The following CBR4 variants were observed in gnomAD, a reference collection of about 807,000 sequenced individuals.
CBR4 encodes the protein carbonyl reductase 4.
A neutral mutation model predicts 21.0 loss-of-function variants in CBR4; 22 were observed. That is an observed-to-expected ratio of 1.05 (90% CI 0.75 to 1.50). The LOEUF is 1.50. Ranked by LOEUF, CBR4 falls within the 40% of genes most tolerant of loss-of-function variation. CBR4 has a pLI of 0.00. For missense variants in CBR4, 302 were observed against 286.3 expected (o/e 1.05, Z -0.40); for synonymous variants, 100 against 104.4 (o/e 0.96, Z 0.26).
chr4:168,963,557 G>A (rs947972999), intron 2 of CBR4, among the ~76,000 whole-genome samples: 16 of 149,088 alleles, frequency 1.1e-4, no homozygotes, highest in Admixed American at 5.4e-4. Context: ...TGCAACCTTC[G>A]CCTACTGGGT....
intron 2 of CBR4, among the ~76,000 whole-genome samples, chr4:168,963,791 G>A (rs769380313): frequency 9.2e-5 from 14 of 152,056 alleles, no homozygotes; most frequent in Non-Finnish European, 1.8e-4. Context: ...AATAGCTACT[G>A]TACCATCAGC....
Position 168,962,432 on chromosome 4 carries a change from T to C in CBR4, n.169+39639A>G, listed in dbSNP as rs191541469. ...CTCAAGGTTGCTTGGAAATTAGGCT[T>C]AATAAGATATGATTAATGAGTAAAT... On this transcript the variant is annotated intron_variant and non_coding_transcript_variant, in intron 2 of 3. Transcript: ENST00000509108. Among the ~76,000 whole-genome samples the C allele has an allele frequency of 2.1e-3, 316 of 152,296 alleles. 4 individuals are homozygous for C. Among genetic ancestry groups the C allele is most frequent in the Admixed American group, 3.1e-3 (48 of 15,296 alleles).
chr4:168,966,938 C>T (rs1316096734), intron 2 of CBR4, among the ~76,000 whole-genome samples: 1 of 151,814 alleles, frequency 6.6e-6, no homozygotes, highest in Non-Finnish European at 1.5e-5. Context: ...GAATGGCAAC[C>T]CGGGAGGCCG....
intron 2 of CBR4, among the ~76,000 whole-genome samples, chr4:168,924,779 C>G (rs1008388497): frequency 2.0e-5 from 3 of 152,214 alleles, no homozygotes; most frequent in Non-Finnish European, 2.9e-5. Context: ...TCTGTTCTTT[C>G]TCCCATTAAC....
intron 4 of CBR4, among the ~76,000 whole-genome samples, chr4:168,993,297 G>A (rs572667963): frequency 6.7e-6 from 1 of 148,846 alleles, no homozygotes; most frequent in African/African-American, 2.5e-5. Context: ...CGCAACCTCC[G>A]CCTCCTGGGT....
intron 2 of CBR4, among the ~76,000 whole-genome samples, chr4:168,980,059 C>A (rs576423829): frequency 6.6e-6 from 1 of 152,190 alleles, no homozygotes; most frequent in Admixed American, 6.5e-5. Flanking sequence ...CTATGTATAT[C>A]CCTGGGGTGC....
chr4:168,980,336 G>T lies in CBR4; in HGVS notation n.169+21735C>A, dbSNP rs530190489. ...AAATACAAAGGAGCCACAGGGCTGA[G>T]CAAGAGCCTACCTACTGGCCAGTAT... On this transcript the variant is annotated intron_variant and non_coding_transcript_variant, in intron 2 of 3. Transcript: ENST00000509108. Among the ~76,000 whole-genome samples the T allele has an allele frequency of 3.3e-5, 5 of 152,296 alleles. No individual in the cohort carries two copies. In the South Asian group the frequency reaches 1.0e-3, roughly 32 times the overall value.
intron 2 of CBR4, chr4:168,924,556 G>T: frequency 2.2e-6 from 2 of 928,280 alleles, no homozygotes; most frequent in Non-Finnish European, 3.5e-6. Context: ...ATCAATCAAA[G>T]ACAAAAACCA....
At chr4:168,915,795 C>T in intron 2 of CBR4, 2 of 896,456 alleles carry the variant, frequency 2.2e-6, no homozygotes, top group Non-Finnish European at 3.6e-6. Context: ...ATAAGGAAAT[C>T]ATATTATTAC....
chr4:168,924,413 C>T, intron 2 of CBR4: 1 of 1,613,136 alleles, frequency 6.2e-7, no homozygotes, highest in Non-Finnish European at 8.5e-7. Context: ...CAGCACTGAC[C>T]GAGTGAGGTA....
chr4:168,991,353 T>A (rs1462798021), intron 4 of CBR4, among the ~76,000 whole-genome samples: 1 of 152,160 alleles, frequency 6.6e-6, no homozygotes, highest in Admixed American at 6.5e-5. Context: ...ATACATTAAT[T>A]TTCACTTAGG....
intron 2 of CBR4, among the ~76,000 whole-genome samples, chr4:168,981,459 C>T (rs1284909277): frequency 6.6e-6 from 1 of 151,904 alleles, no homozygotes; most frequent in African/African-American, 2.4e-5. Context: ...GACCTGAAAA[C>T]CTGCCTATAA....
chr4:168,924,558 C>A lies in CBR4; in HGVS notation n.170-29793G>T, dbSNP rs1344375999. Reference sequence around the variant, plus strand: ...GATTTTTGATGAAATCAATCAAAGACAAAAACCATGCGTTACCCAATGTAG... The same window carrying A: ...GATTTTTGATGAAATCAATCAAAGAAAAAAACCATGCGTTACCCAATGTAG... On this transcript the variant is annotated intron_variant and non_coding_transcript_variant, in intron 2 of 3. Transcript: ENST00000509108. 4 of 907,508 alleles carry A rather than the reference C, an allele frequency of 4.4e-6. No individual in the cohort carries two copies. In the African/African-American group the frequency reaches 5.0e-5, roughly 11 times the overall value. The allele number at this position is 907,508 out of a possible 1,614,324, so 56.2% of individuals were successfully genotyped here. A position where few individuals can be genotyped will look rare whatever the true frequency, so the allele number is the denominator to read the frequency against.
intron 1 of CBR4, chr4:169,009,059 C>CAAAAAAAAAAAAAAAAAAAACAAAAAA: frequency 2.8e-6 from 1 of 359,598 alleles, no homozygotes; most frequent in Non-Finnish European, 5.2e-6. Context: ...GAAGCCCTCT[C>CAAAAAAAAAAAAAAAAAAAACAAAAAA]AAAAAAAAAA....
chr4:168,987,354 A>G (rs951692812), downstream of CBR4, among the ~76,000 whole-genome samples: 4 of 152,222 alleles, frequency 2.6e-5, no homozygotes, highest in African/African-American at 9.7e-5. Flanking sequence ...TGTAATGACT[A>G]AAGAATATTT....
intron 2 of CBR4, chr4:168,921,396 A>G: frequency 1.7e-6 from 1 of 604,800 alleles, no homozygotes; most frequent in African/African-American, 2.4e-5. Flanking sequence ...AATAAGAGTG[A>G]AACTCTGTCC....
chr4:168,966,723 T>C (rs1331494380), intron 2 of CBR4, among the ~76,000 whole-genome samples: 1 of 151,922 alleles, frequency 6.6e-6, no homozygotes, highest in East Asian at 1.9e-4. Context: ...GGATTATAAA[T>C]CATGCTACTA....
intron 2 of CBR4, among the ~76,000 whole-genome samples, chr4:168,972,287 T>G (rs181980741): frequency 1.3e-5 from 2 of 152,338 alleles, no homozygotes; most frequent in African/African-American, 4.8e-5. Context: ...CCACATGAAT[T>G]TTAGGATTGC....
At chr4:169,006,949 CA>C (rs1730957377) in intron 2 of CBR4, 58 bp from the exon 3 acceptor site, 17 of 1,386,382 alleles carry the variant, frequency 1.2e-5, no homozygotes, top group Non-Finnish European at 1.4e-5. Context: ...CCAAAAAGGT[CA>C]AGACTAATGT....
Sources: gnomAD v4.1 joint callset for allele counts (sites outside exome capture counted in the v4.1 genomes callset) on GRCh38, gnomAD v4.1.1 for gene constraint, MANE v1.5 for transcripts, NCBI Gene and HGNC (gene_info 2026-07-23, HGNC 2026-07-21) for gene names.